STK24: variants seen among roughly 807,000 people sequenced by gnomAD.
STK24 encodes the protein serine/threonine kinase 24.
A neutral mutation model predicts 55.6 loss-of-function variants in STK24; 21 were observed. The ratio of observed to expected loss-of-function variants is 0.38; its 90% CI spans 0.27 to 0.54. The LOEUF (loss-of-function observed/expected upper bound fraction) is 0.54, where lower values mean the gene tolerates loss of function less well. Among genes scored for constraint, STK24 ranks in the 20% least tolerant of loss-of-function variants. STK24 has a pLI of 0.79. For synonymous variants in STK24, 200 were observed against 215.2 expected, an observed-to-expected ratio of 0.93 and a Z score of 0.62; for missense variants, 383 against 538.4, an observed-to-expected ratio of 0.71 and a Z score of 2.86.
chr13:98,456,871 T>C, intron 10 of STK24: 1 of 490,540 alleles, frequency 2.0e-6, no homozygotes, highest in African/African-American at 1.9e-5. Context: ...GGCCAATAAT[T>C]AAGCTGCATA....
chr13:98,493,439 A>G (rs1296058403), intron 2 of STK24, among the ~76,000 whole-genome samples: 1 of 152,234 alleles, frequency 6.6e-6, no homozygotes, highest in African/African-American at 2.4e-5. Flanking sequence ...GGAAAAGAAA[A>G]GAAACAACAA....
At chr13:98,476,245 C>A (rs1296004149) in intron 3 of STK24, among the ~76,000 whole-genome samples, 1 of 145,790 alleles carries the variant, frequency 6.9e-6, no homozygotes, top group Non-Finnish European at 1.5e-5. Context: ...GGGAAGCCCC[C>A]CCCCGCCCCC....
intron 1 of STK24, among the ~76,000 whole-genome samples, chr13:98,527,741 C>CA: frequency 6.6e-6 from 1 of 152,296 alleles, no homozygotes; most frequent in South Asian, 2.1e-4. Context: ...GTGGGGGGCC[C>CA]AGCACTGCCT....
chr13:98,557,049 C>T (rs1897304161), intron 1 of STK24, among the ~76,000 whole-genome samples: 2 of 152,196 alleles, frequency 1.3e-5, no homozygotes, highest in South Asian at 2.1e-4. Context: ...AATGCTGCTG[C>T]CGTGTGGACA....
intron 1 of STK24, among the ~76,000 whole-genome samples, chr13:98,569,786 G>C (rs1258545372): frequency 1.3e-5 from 2 of 151,160 alleles, no homozygotes; most frequent in Non-Finnish European, 2.9e-5. Context: ...AGGAAAAGAG[G>C]CAAGCGGAAG....
intron 1 of STK24, among the ~76,000 whole-genome samples, chr13:98,524,989 G>A (rs1896382224): frequency 6.6e-6 from 1 of 152,258 alleles, no homozygotes; most frequent in African/African-American, 2.4e-5. Flanking sequence ...CCCCTGGCAA[G>A]AAGGCAGCCA....
At chr13:98,552,266 A>G (rs921439142) in intron 1 of STK24, among the ~76,000 whole-genome samples, 2 of 152,170 alleles carry the variant, frequency 1.3e-5, no homozygotes, top group African/African-American at 4.8e-5. Flanking sequence ...TCCCCTCCCT[A>G]CAACGACCAC....
In STK24 at chr13:98,463,766, G is replaced by T. The variant is rs1566347658; in HGVS notation, c.854C>A (p.Thr285Asn). ...TCTCTTGTACCTGTCGATGAGCTCG[G>T]TCAAGTAGGAAGTTTTCTTTGCATT... ...LRNAKKTSYLTELIDRYKRWK... is the reference protein window; with the variant it reads ...LRNAKKTSYLNELIDRYKRWK... The change falls in exon 7 of 11, where the codon ACC (threonine) becomes AAC (asparagine). Residue 285 changes from threonine to asparagine, a missense_variant. By Grantham distance (65) the Thr-to-Asn change is moderately conservative. Transcript: ENST00000539966. The T allele has an allele frequency of 2.5e-6, 4 of 1,614,186 alleles. No homozygotes were observed. Among genetic ancestry groups the T allele is most frequent in the Non-Finnish European group, 3.4e-6 (4 of 1,180,026 alleles).
At position 98,450,447 on chromosome 13, in the gene STK24, T is replaced by C. The variant is rs546316466; in HGVS notation, c.*2726A>G. ...GCAATGCAGGGATAAAACTATTGGA[T>C]AAGGAAGGCAGATGCACTTCCAAGA... is the stretch of plus-strand genomic sequence containing the variant. On this transcript the variant is annotated 3_prime_UTR_variant, in exon 11 of 11. Transcript: ENST00000539966. 1.3e-5 allele frequency: 2 copies of C among 152,304 alleles called. No individual in the cohort carries two copies. Among genetic ancestry groups the C allele is most frequent in the South Asian group, 2.1e-4 (1 of 4,830 alleles). The allele number at this position is 152,304 out of a possible 1,614,324, so 9.4% of individuals were successfully genotyped here.
At position 98,452,973 on chromosome 13, in the gene STK24, T is replaced by TCC. The variant is rs1893267859; in HGVS notation, c.*198_*199dup. ...AATGATCGCTGGAAGGAGCTGACCC[T>TCC]CCCCACCCATCTGAGAGACTTCATC... On this transcript the variant is annotated 3_prime_UTR_variant, in exon 11 of 11. Coordinates refer to ENST00000539966, the MANE Select transcript of STK24 (RefSeq NM_001032296.4). The TCC allele has an allele frequency of 2.0e-6, 1 of 505,600 alleles. No homozygotes were observed. Among genetic ancestry groups the TCC allele is most frequent in the Non-Finnish European group, 3.5e-6 (1 of 287,732 alleles). 31.3% of individuals were successfully genotyped at this position (505,600 alleles called of 1,614,324 possible). A position where few individuals can be genotyped will look rare whatever the true frequency, so the allele number is the denominator to read the frequency against.
In STK24 at chr13:98,488,207, G is replaced by A. The variant is rs1461065197; in HGVS notation, c.274-5886C>T. ...CACACACACACACACACACACACAC[G>A]GGAAGACCACATGAGCACACAGGGA... On this transcript the variant is annotated intron_variant, in intron 2 of 10. Transcript: ENST00000539966. Among the ~76,000 whole-genome samples, 891 of 95,160 alleles carry A rather than the reference G, an allele frequency of 9.4e-3. 9 individuals are homozygous for A. The highest frequency in any genetic ancestry group is 0.029 in the African/African-American group (779 of 26,608). The allele number at this position is 95,160 out of a possible 152,430, so 62.4% of individuals were successfully genotyped here.
intron 1 of STK24, among the ~76,000 whole-genome samples, chr13:98,536,459 G>C (rs1196136699): frequency 6.6e-6 from 1 of 151,868 alleles, no homozygotes; most frequent in Non-Finnish European, 1.5e-5. Context: ...CAAACTCCTG[G>C]GTTCAAGTGA....
intron 2 of STK24, 55 bp downstream of exon 2, chr13:98,519,188 C>A: frequency 7.0e-7 from 1 of 1,437,834 alleles, no homozygotes; most frequent in East Asian, 2.3e-5. Flanking sequence ...CCATTCCCTG[C>A]TGGCACCTCA....
rs756971585 is a variant in STK24, at chr13:98,463,819, C to T, written c.801G>A (p.Glu267=). 2.5e-6 allele frequency: 4 copies of T among 1,613,638 alleles called. No individual in the cohort carries two copies. The highest frequency in any genetic ancestry group is 2.5e-6 in the Non-Finnish European group (3 of 1,179,830). Residue 267 remains glutamate (E), a synonymous_variant, in exon 7 of 11, where the codon GAG becomes GAA. Coordinates refer to ENST00000539966, the MANE Select transcript of STK24 (RefSeq NM_001032296.4). ...GTAGTATAAACTTGTGCTTCAATAA[C>T]TCCTTAGCAGTGGGTCTCTGGAAAA... ...KEPSFRPTAK[E]LLKHKFILRN...
rs1020388872 is a variant in STK24, at chr13:98,519,470, G to A, written c.46C>T (p.Leu16=). The change falls in exon 2 of 11, where the codon CTA becomes TTA. Residue 16 remains leucine, a synonymous_variant. Transcript: ENST00000539966. Reference sequence around the variant, plus strand: ...AAAAGCTCTTCTGGGTCTGCCTTTAGGTTCTGTAGAGAGAAGGAAGAGAAA... The same window carrying A: ...AAAAGCTCTTCTGGGTCTGCCTTTAAGTTCTGTAGAGAGAAGGAAGAGAAA... ...VQSGLPGMQN[L]KADPEELFTK... is the part of the protein sequence containing the mutation. The A allele has an allele frequency of 2.5e-6, 4 of 1,613,596 alleles. No homozygotes were observed. The highest frequency in any genetic ancestry group is 3.4e-6 in the Non-Finnish European group (4 of 1,179,854).
chr13:98,446,377 G>C lies in STK24; in HGVS notation c.*6796C>G, dbSNP rs1027566696. ...ACCCGAGGCCCTCAACTCTAGGGAA[G>C]ACTGACATTATCATCCACTGAAGGA... On this transcript the variant is annotated 3_prime_UTR_variant, in exon 11 of 11. Coordinates refer to ENST00000539966, the MANE Select transcript of STK24 (RefSeq NM_001032296.4). 2.2e-5 allele frequency: 13 copies of C among 604,608 alleles called. No homozygotes were observed. The African/African-American group carries it at 2.4e-4, about 11-fold the overall frequency. The allele number at this position is 604,608 out of a possible 1,614,324, so 37.5% of individuals were successfully genotyped here.
At chr13:98,517,213 C>G (rs1239205697) in intron 2 of STK24, among the ~76,000 whole-genome samples, 2 of 152,184 alleles carry the variant, frequency 1.3e-5, no homozygotes, top group Admixed American at 6.5e-5. Flanking sequence ...GCAAACCACA[C>G]GAAATCCAAC....
At chr13:98,494,653 C>T (rs1286905699) in intron 2 of STK24, among the ~76,000 whole-genome samples, 1 of 152,094 alleles carries the variant, frequency 6.6e-6, no homozygotes, top group Non-Finnish European at 1.5e-5. Flanking sequence ...TGTTGGAACC[C>T]TCTGGTTCTC....
intron 2 of STK24, among the ~76,000 whole-genome samples, chr13:98,494,964 G>A (rs1480859101): frequency 4.6e-5 from 7 of 152,260 alleles, no homozygotes; most frequent in South Asian, 4.1e-4. Flanking sequence ...CCAACGCCTC[G>A]GTGAAGATGA....
Sources: allele counts gnomAD v4.1 joint callset (sites outside exome capture counted in the v4.1 genomes callset), GRCh38; gene constraint gnomAD v4.1.1; transcripts MANE v1.5; gene names NCBI Gene and HGNC (gene_info 2026-07-23, HGNC 2026-07-21).